Variants in PCDHGA2 observed in about 807,000 individuals in gnomAD.
The protein encoded by PCDHGA2 is protocadherin gamma-A2.
In PCDHGA2, 40 loss-of-function variants were observed where a neutral mutation model predicts 59.2. The observed-to-expected ratio is 0.68, with a 90% CI of 0.52 to 0.88. PCDHGA2 has a LOEUF of 0.88. PCDHGA2 is among the 40% of genes least tolerant of loss of function. The probability of loss-of-function intolerance (pLI) is 0.00; values close to 1 mark genes in which losing one functional copy is unlikely to be tolerated. For synonymous variants in PCDHGA2, 560 were observed against 526.0 expected, an observed-to-expected ratio of 1.06 and a Z score of -0.89; for missense variants, 1,226 against 1,204.0, an observed-to-expected ratio of 1.02 and a Z score of -0.27.
Position 141,340,073 on chromosome 5 carries a change from CT to C in PCDHGA2, c.1107del (p.Phe369LeufsTer26), listed in dbSNP as rs1561481294. 1 of 1,614,012 alleles carries C rather than the reference CT, an allele frequency of 6.2e-7. No individual in the cohort carries two copies. The highest frequency in any genetic ancestry group is 8.5e-7 in the Non-Finnish European group (1 of 1,179,954). ...EDSLPGTIIGLFNVHDRDSGQ... is the reference protein window; with the variant it reads ...EDSLPGTIIGXFNVHDRDSGQ... ...CTCTCTTCCAGGAACCATAATTGGG[CT>C]TTTTAATGTACATGATAGAGACTCT... On this transcript the variant is annotated frameshift_variant, in exon 1 of 4. Transcript: ENST00000394576. LOFTEE classifies it high-confidence loss of function.
Position 141,390,222 on chromosome 5 carries a change from G to A in PCDHGA2, c.2424+48827G>A, listed in dbSNP as rs758225583. The A allele has an allele frequency of 1.1e-5, 18 of 1,613,904 alleles. 1 individual carries two copies. In the Middle Eastern group the frequency reaches 9.9e-4, roughly 88 times the overall value. ...GAGTTCAGGACAAGACATACTTTGC[G>A]GTGATTCATCTGGGGCCTTATTTCC... On this transcript the variant is annotated intron_variant, in intron 1 of 3. Transcript: ENST00000394576.
intron 3 of PCDHGA2, among the ~76,000 whole-genome samples, chr5:141,509,419 T>C (rs2154594533): frequency 6.6e-6 from 1 of 152,216 alleles, no homozygotes; most frequent in South Asian, 2.1e-4. Flanking sequence ...CGAGCCCCAA[T>C]GAGTCAAACT....
chr5:141,339,775 C>T lies in PCDHGA2; in HGVS notation c.804C>T (p.Asp268=), dbSNP rs1416395779. 6.2e-7 allele frequency: 1 copy of T among 1,614,142 alleles called. No homozygotes were observed. Among genetic ancestry groups the T allele is most frequent in the Non-Finnish European group, 8.5e-7 (1 of 1,180,020 alleles). The stretch of plus-strand genomic sequence containing the variant: ...GGATACTCACGGTGACCGCCACTGA[C>T]GCAGATGAGGGCTACTACGCTCAAG... ...GTRILTVTAT[D]ADEGYYAQVV... is the part of the protein sequence containing the mutation. Residue 268 remains aspartate (D), a synonymous_variant, in exon 1 of 4, where the codon GAC becomes GAT. Coordinates refer to ENST00000394576, the MANE Select transcript of PCDHGA2 (RefSeq NM_018915.4).
chr5:141,414,792 C>T (rs2095788725), intron 1 of PCDHGA2: 6 of 1,614,230 alleles, frequency 3.7e-6, no homozygotes, highest in African/African-American at 2.7e-5. Flanking sequence ...TGACAGCCAG[C>T]GACAGCGGGG....
chr5:141,432,561 A>C lies in PCDHGA2; in HGVS notation c.2425-62246A>C, dbSNP rs746684751. On this transcript the variant is annotated intron_variant, in intron 1 of 3. Transcript: ENST00000394576. This position sits in a 1 kb window ranked among gnomAD's most constrained non-coding sequence, Gnocchi z 6.0. Reference sequence around the variant, plus strand: ...GCGGTGGACAGAGACTCCGGCCAGAACGCCTGGCTGTCCTACCGTCTGCTC... The same window carrying C: ...GCGGTGGACAGAGACTCCGGCCAGACCGCCTGGCTGTCCTACCGTCTGCTC... 37 of 1,613,308 alleles carry C rather than the reference A, an allele frequency of 2.3e-5. 1 individual carries two copies. The highest frequency in any genetic ancestry group is 2.7e-5 in the African/African-American group (2 of 74,712).
At position 141,403,891 on chromosome 5, in the gene PCDHGA2, AT is replaced by A. The variant is rs757338627; in HGVS notation, c.2424+62500del. The A allele has an allele frequency of 3.1e-6, 5 of 1,613,870 alleles. No individual in the cohort carries two copies. In the Admixed American group the frequency reaches 6.7e-5, roughly 22 times the overall value. On this transcript the variant is annotated intron_variant, in intron 1 of 3. Transcript: ENST00000394576. Reference sequence around the variant, plus strand: ...AAAGTCTAGATTATGAAGAATGTTCATTTTATGAAATGGAAATACAAGCTGA... The same window carrying A: ...AAAGTCTAGATTATGAAGAATGTTCATTTATGAAATGGAAATACAAGCTGA...
intron 1 of PCDHGA2, chr5:141,365,998 C>T (rs374639173): frequency 1.0e-4 from 166 of 1,614,116 alleles, no homozygotes; most frequent in Non-Finnish European, 1.2e-4. Context: ...TGGACCAGAA[C>T]GACAATACGC....
rs768559201 is a variant in PCDHGA2, at chr5:141,431,344, G to A, written c.2425-63463G>A. Reference sequence around the variant, plus strand: ...ACGGTAGTAAGTACCCCGAATTGGTGCTGAAACGCGCCCTGGACCGCGAAG... The same window carrying A: ...ACGGTAGTAAGTACCCCGAATTGGTACTGAAACGCGCCCTGGACCGCGAAG... On this transcript the variant is annotated intron_variant, in intron 1 of 3. Coordinates refer to ENST00000394576, the MANE Select transcript of PCDHGA2 (RefSeq NM_018915.4). The surrounding 1 kb of genome is among the most constrained non-coding windows in gnomAD (Gnocchi z 4.8). 3.9e-5 allele frequency: 63 copies of A among 1,614,078 alleles called. No homozygotes were observed. Among genetic ancestry groups the A allele is most frequent in the Non-Finnish European group, 5.0e-5 (59 of 1,180,044 alleles).
At position 141,404,863 on chromosome 5, in the gene PCDHGA2, G is replaced by A. The variant is rs370856862; in HGVS notation, c.2424+63468G>A. 507 of 1,613,746 alleles carry A rather than the reference G, an allele frequency of 3.1e-4. 2 individuals are homozygous for A. The highest frequency in any genetic ancestry group is 3.8e-4 in the Non-Finnish European group (451 of 1,179,902). On this transcript the variant is annotated intron_variant, in intron 1 of 3. Coordinates refer to ENST00000394576, the MANE Select transcript of PCDHGA2 (RefSeq NM_018915.4). ...CTCGGGCCCTGCTAGATAGAGATGC[G>A]CTCAAACAGAGCCTTGTGGTGGCTG...
At chr5:141,371,198 CATGG>C in intron 1 of PCDHGA2, 3 of 1,614,008 alleles carry the variant, frequency 1.9e-6, no homozygotes, top group Non-Finnish European at 2.5e-6. Flanking sequence ...TGGCCATTGA[CATGG>C]ATGAGGGCAT....
rs148589854 is a variant in PCDHGA2, at chr5:141,393,112, C to T, written c.2424+51717C>T. ...CGGGAGGAGCTCTGCGCTCAGAGCC[C>T]GCGGTGTCTGATAAATATTAACACC... On this transcript the variant is annotated intron_variant, in intron 1 of 3. Transcript: ENST00000394576. 5.0e-3 allele frequency: 7,989 copies of T among 1,613,452 alleles called. 48 individuals carry two copies. The highest frequency in any genetic ancestry group is 9.4e-3 in the Admixed American group (566 of 60,028).
intron 1 of PCDHGA2, chr5:141,345,549 TC>T (rs771671580): frequency 1.9e-6 from 3 of 1,614,012 alleles, no homozygotes; most frequent in Non-Finnish European, 1.7e-6. Context: ...CTCCTTCGTC[TC>T]TATCAACTCC....
rs753266989 is a variant in PCDHGA2, at chr5:141,345,509, C to G, written c.2424+4114C>G. 5.6e-6 allele frequency: 9 copies of G among 1,614,138 alleles called. No homozygotes were observed. The Admixed American group carries it at 6.7e-5, about 12-fold the overall frequency. On this transcript the variant is annotated intron_variant, in intron 1 of 3. Transcript: ENST00000394576. Reference sequence around the variant, plus strand: ...ACGCCCGCATCACTTATGCATTGACCGAGGACACTCTCCAGGGGGCGCCCC... The same window carrying G: ...ACGCCCGCATCACTTATGCATTGACGGAGGACACTCTCCAGGGGGCGCCCC...
chr5:141,432,482 G>T lies in PCDHGA2; in HGVS notation c.2425-62325G>T, dbSNP rs768206517. 2.5e-6 allele frequency: 4 copies of T among 1,614,060 alleles called. No individual in the cohort carries two copies. Among genetic ancestry groups the T allele is most frequent in the Non-Finnish European group, 3.4e-6 (4 of 1,180,052 alleles). ...CCTCCCCACGGACGGTTCCACTGGC[G>T]TGGAGCTGGCTCCCCGCTCCGCAGA... On this transcript the variant is annotated intron_variant, in intron 1 of 3. Transcript: ENST00000394576. The surrounding 1 kb of genome is among the most constrained non-coding windows in gnomAD (Gnocchi z 6.0).
chr5:141,404,917 G>T (rs750464541), intron 1 of PCDHGA2: 6 of 1,613,652 alleles, frequency 3.7e-6, no homozygotes, highest in East Asian at 2.2e-5. Flanking sequence ...CCCCTCTCTC[G>T]GCCACTGTCA....
intron 1 of PCDHGA2, chr5:141,346,625 C>G (rs548281079): frequency 1.3e-5 from 13 of 1,025,110 alleles, no homozygotes; most frequent in South Asian, 1.2e-4. Context: ...CTGCACTCCC[C>G]GGTCTGGTTA....
At chr5:141,470,037 G>C (rs76537989) in intron 1 of PCDHGA2, among the ~76,000 whole-genome samples, 14 of 152,138 alleles carry the variant, frequency 9.2e-5, no homozygotes, top group Non-Finnish European at 1.5e-4. Flanking sequence ...GCTGAGGCGC[G>C]AGAACTGTTT....
intron 1 of PCDHGA2, chr5:141,352,673 A>G (rs778268844): frequency 6.3e-7 from 1 of 1,575,668 alleles, no homozygotes; most frequent in Non-Finnish European, 8.6e-7. Context: ...TTCGCACGTG[A>G]GTTTCTGCAA....
At chr5:141,374,689 G>T in intron 1 of PCDHGA2, 2 of 1,609,578 alleles carry the variant, frequency 1.2e-6, no homozygotes, top group East Asian at 4.5e-5. Flanking sequence ...CACTGGACCG[G>T]GAAGGAGAAG....
Sources: gnomAD v4.1 joint callset for allele counts (sites outside exome capture counted in the v4.1 genomes callset) on GRCh38, gnomAD v4.1.1 for gene constraint, Gnocchi (gnomAD v3.1) non-coding constraint, MANE v1.5 for transcripts, NCBI Gene and HGNC (gene_info 2026-07-23, HGNC 2026-07-21) for gene names.